The following ERP44 variants were observed in gnomAD, a reference collection of about 807,000 sequenced individuals.
The protein encoded by ERP44 is endoplasmic reticulum resident protein 44.
Under a neutral mutation model 53.4 loss-of-function variants are expected in ERP44, and 25 were observed. The ratio of observed to expected loss-of-function variants is 0.47; its 90% CI spans 0.34 to 0.65. ERP44 has a LOEUF of 0.65. ERP44 is among the 30% of genes least tolerant of loss of function. ERP44 has a pLI of 0.01. For synonymous variants in ERP44, 145 were observed against 161.2 expected (o/e 0.90, Z 0.76); for missense variants, 338 against 493.2 (o/e 0.69, Z 2.98).
At chr9:99,994,051 G>GT (rs1830284489) in intron 10 of ERP44, among the ~76,000 whole-genome samples, 1 of 152,188 alleles carries the variant, frequency 6.6e-6, no homozygotes, top group Admixed American at 6.5e-5. Context: ...TACACTGTTG[G>GT]TGGGAGTGTA....
chr9:100,058,102 G>T (rs1413829702), intron 2 of ERP44, among the ~76,000 whole-genome samples: 1 of 152,032 alleles, frequency 6.6e-6, no homozygotes, highest in East Asian at 1.9e-4. Flanking sequence ...TGGAGACTGG[G>T]TCTCACTCTA....
At chr9:100,068,514 G>GTGTACCCAACA (rs1826257746) in intron 1 of ERP44, among the ~76,000 whole-genome samples, 1 of 144,364 alleles carries the variant, frequency 6.9e-6, no homozygotes, top group Non-Finnish European at 1.5e-5. Context: ...CGTCCGGGAG[G>GTGTACCCAACA]GAGGTGGGGG....
intron 2 of ERP44, 74 bp downstream of exon 2, chr9:100,060,025 GT>G (rs926010879): frequency 2.2e-3 from 2,288 of 1,040,670 alleles, no homozygotes; most frequent in South Asian, 4.5e-3. Context: ...ATTTTATTGG[GT>G]TTTTTTTTTG....
intron 4 of ERP44, among the ~76,000 whole-genome samples, chr9:100,029,076 CAGT>C (rs1481380321): frequency 6.6e-6 from 1 of 151,778 alleles, no homozygotes; most frequent in East Asian, 1.9e-4. Context: ...ACTATAAAAC[CAGT>C]AGAAGAAAAC....
chr9:100,078,988 T>C (rs140290838), intron 1 of ERP44, among the ~76,000 whole-genome samples: 118 of 152,240 alleles, frequency 7.8e-4, no homozygotes, highest in African/African-American at 2.5e-3. Context: ...TCAGGAGATA[T>C]ATATGGGTTC....
At chr9:99,996,962 T>A (rs1335422166) in intron 10 of ERP44, among the ~76,000 whole-genome samples, 2 of 151,122 alleles carry the variant, frequency 1.3e-5, no homozygotes, top group African/African-American at 2.4e-5. Flanking sequence ...CACATGTATA[T>A]GTACACATAC....
intron 1 of ERP44, among the ~76,000 whole-genome samples, chr9:100,068,838 T>C (rs527800349): frequency 1.3e-5 from 2 of 152,110 alleles, no homozygotes; most frequent in South Asian, 4.1e-4. Context: ...GGCGTTTTTG[T>C]GGAATGGAAA....
chr9:100,058,444 C>T (rs897247672), intron 2 of ERP44, among the ~76,000 whole-genome samples: 1 of 152,072 alleles, frequency 6.6e-6, no homozygotes, highest in Non-Finnish European at 1.5e-5. Context: ...AAGTAAGCTA[C>T]GATCATAAAA....
intron 7 of ERP44, among the ~76,000 whole-genome samples, chr9:100,017,567 C>T (rs1830537127): frequency 6.6e-6 from 1 of 152,168 alleles, no homozygotes; most frequent in South Asian, 2.1e-4. Flanking sequence ...GCAAGAAATT[C>T]ATTTATCTGA....
At chr9:100,036,489 A>G (rs559254458) in intron 4 of ERP44, among the ~76,000 whole-genome samples, 1 of 152,324 alleles carries the variant, frequency 6.6e-6, no homozygotes, top group East Asian at 1.9e-4. Flanking sequence ...ACTGTGGACT[A>G]CTAGAGAGAG....
chr9:99,985,769 T>G (rs1237276207), intron 10 of ERP44, among the ~76,000 whole-genome samples: 1 of 152,202 alleles, frequency 6.6e-6, no homozygotes, highest in African/African-American at 2.4e-5. Context: ...ACATGCAACT[T>G]CATTGGATAG....
chr9:100,085,897 C>G (rs564889452), intron 1 of ERP44, among the ~76,000 whole-genome samples: 3 of 152,260 alleles, frequency 2.0e-5, no homozygotes, highest in Admixed American at 2.0e-4. Context: ...GAAACTCTGT[C>G]TCAAAAACAA....
intron 8 of ERP44, among the ~76,000 whole-genome samples, chr9:100,014,111 T>G (rs1830504639): frequency 6.6e-6 from 1 of 152,110 alleles, no homozygotes; most frequent in African/African-American, 2.4e-5. Context: ...GTATGGTGAT[T>G]ATGAAGATGG....
rs777552634 is a variant in ERP44, at chr9:100,098,875, G to A, written c.-35C>T. On this transcript the variant is annotated 5_prime_UTR_variant, in exon 1 of 12. Transcript: ENST00000262455. Reference sequence around the variant, plus strand: ...GGGGTCCGTGACAGGGACAGGCGCTGGCGGCTGGGACTGGGCTAGGTTGGG... The same window carrying A: ...GGGGTCCGTGACAGGGACAGGCGCTAGCGGCTGGGACTGGGCTAGGTTGGG... 4.4e-6 allele frequency: 7 copies of A among 1,599,802 alleles called. No individual in the cohort carries two copies. The South Asian group carries it at 6.6e-5, about 15-fold the overall frequency.
At chr9:100,024,996 C>T (rs540530817) in intron 4 of ERP44, among the ~76,000 whole-genome samples, 4 of 152,140 alleles carry the variant, frequency 2.6e-5, no homozygotes, top group Non-Finnish European at 4.4e-5. Flanking sequence ...GGTACAGTGA[C>T]ACATGCCCAT....
chr9:100,042,084 C>T (rs779124307), intron 4 of ERP44, among the ~76,000 whole-genome samples: 4 of 152,056 alleles, frequency 2.6e-5, no homozygotes, highest in Non-Finnish European at 5.9e-5. Context: ...AAAAAGCTTT[C>T]GCACAGCAAA....
intron 10 of ERP44, among the ~76,000 whole-genome samples, chr9:100,005,089 C>G (rs910724170): frequency 6.6e-6 from 1 of 152,118 alleles, no homozygotes; most frequent in Non-Finnish European, 1.5e-5. Flanking sequence ...TGTGTTAGTT[C>G]TCTTGACCTC....
chr9:100,082,817 G>A (rs1421502122), intron 1 of ERP44, among the ~76,000 whole-genome samples: 2 of 151,138 alleles, frequency 1.3e-5, no homozygotes, highest in Non-Finnish European at 2.9e-5. Context: ...TTGTTCAAGG[G>A]GTTAACTGTA....
chr9:100,065,940 T>C (rs1210325765), intron 1 of ERP44, among the ~76,000 whole-genome samples: 1 of 152,368 alleles, frequency 6.6e-6, no homozygotes, highest in Non-Finnish European at 1.5e-5. Context: ...TGAGTTTGTT[T>C]ATTTAAAGCT....
Sources: gnomAD v4.1 joint callset for allele counts (sites outside exome capture counted in the v4.1 genomes callset) on GRCh38, gnomAD v4.1.1 for gene constraint, MANE v1.5 for transcripts, NCBI Gene and HGNC (gene_info 2026-07-23, HGNC 2026-07-21) for gene names.